The following SOX6 variants were observed in gnomAD, a reference collection of about 807,000 sequenced individuals.
SOX6 encodes SRY-box transcription factor 6.
In SOX6, 11 loss-of-function variants were observed where a neutral mutation model predicts 97.8. The ratio of observed to expected loss-of-function variants is 0.11; its 90% CI spans 0.07 to 0.19. The LOEUF is 0.19. Among genes scored for constraint, SOX6 ranks in the 10% least tolerant of loss-of-function variants. The pLI, the probability that SOX6 is intolerant of heterozygous loss-of-function variation, is 1.00. For missense variants in SOX6, 810 were observed against 1,039.5 expected (o/e 0.78, Z 3.04); for synonymous variants, 360 against 371.4 (o/e 0.97, Z 0.35).
intron 1 of SOX6, among the ~76,000 whole-genome samples, chr11:16,449,649 G>A (rs1040139627): frequency 6.6e-6 from 1 of 152,076 alleles, no homozygotes; most frequent in African/African-American, 2.4e-5. Flanking sequence ...CCATGTATAA[G>A]CAGACATACA....
At chr11:16,141,783 C>A (rs1010502102) in intron 6 of SOX6, among the ~76,000 whole-genome samples, 1 of 152,122 alleles carries the variant, frequency 6.6e-6, no homozygotes, top group Non-Finnish European at 1.5e-5. Context: ...GATCAAACTG[C>A]AAGATGGCAG....
At chr11:16,353,323 G>A (rs1856995638) in intron 1 of SOX6, among the ~76,000 whole-genome samples, 1 of 151,978 alleles carries the variant, frequency 6.6e-6, no homozygotes, top group Non-Finnish European at 1.5e-5. Flanking sequence ...GGAATGCAGA[G>A]TAATTTAGAT....
At chr11:16,113,215 A>G (rs1275244640) in intron 6 of SOX6, among the ~76,000 whole-genome samples, 1 of 152,190 alleles carries the variant, frequency 6.6e-6, no homozygotes, top group African/African-American at 2.4e-5. Context: ...TTCTCTAGGG[A>G]AAGCCCTAAG....
At chr11:16,322,347 T>C (rs1855954328) in intron 2 of SOX6, among the ~76,000 whole-genome samples, 1 of 152,126 alleles carries the variant, frequency 6.6e-6, no homozygotes, top group African/African-American at 2.4e-5. Flanking sequence ...ACTCTCTCTC[T>C]TCCTCCTGCT....
At chr11:16,363,354 A>T (rs1337873736) in intron 1 of SOX6, among the ~76,000 whole-genome samples, 6 of 152,182 alleles carry the variant, frequency 3.9e-5, no homozygotes, top group Non-Finnish European at 8.8e-5. Flanking sequence ...GCTCTGACAC[A>T]ATGGTCAAAA....
chr11:16,591,708 T>C (rs1848155831), intron 4 of SOX6, among the ~76,000 whole-genome samples: 1 of 152,148 alleles, frequency 6.6e-6, no homozygotes, highest in Non-Finnish European at 1.5e-5. Flanking sequence ...ATTAAAATGC[T>C]ATACCTTTGA....
intron 1 of SOX6, among the ~76,000 whole-genome samples, chr11:16,405,519 C>T (rs562898541): frequency 6.6e-6 from 1 of 152,092 alleles, no homozygotes; most frequent in African/African-American, 2.4e-5. Flanking sequence ...TACTTCTGTC[C>T]AGAACACTCT....
At chr11:16,291,353 T>A (rs1854909881) in intron 3 of SOX6, among the ~76,000 whole-genome samples, 1 of 123,798 alleles carries the variant, frequency 8.1e-6, no homozygotes, top group Admixed American at 8.0e-5. Context: ...TCCTGCTCAA[T>A]ATAATGAATG....
At chr11:16,525,990 G>T (rs1319440325) in intron 4 of SOX6, among the ~76,000 whole-genome samples, 1 of 152,198 alleles carries the variant, frequency 6.6e-6, no homozygotes, top group Admixed American at 6.5e-5. Flanking sequence ...AACTACAGGT[G>T]CTGGAGAGGA....
intron 3 of SOX6, chr11:16,313,417 G>A (rs928434278): frequency 6.6e-6 from 1 of 152,114 alleles, no homozygotes. Context: ...AGCTAATCAT[G>A]AAATATGGCC....
intron 3 of SOX6, among the ~76,000 whole-genome samples, chr11:16,670,145 T>A (rs1346581536): frequency 6.6e-6 from 1 of 152,070 alleles, no homozygotes; most frequent in Admixed American, 6.5e-5. Context: ...GCCTGGAGTT[T>A]CCCTGGGGAG....
intron 1 of SOX6, among the ~76,000 whole-genome samples, chr11:16,429,300 T>C (rs1368586955): frequency 1.3e-5 from 2 of 152,118 alleles, no homozygotes; most frequent in Non-Finnish European, 2.9e-5. Context: ...AGAAATACCA[T>C]TCGACCCAGC....
In SOX6 at chr11:16,073,854, T is replaced by C. The variant is rs573503188; in HGVS notation, c.1102-17953A>G. Among the ~76,000 whole-genome samples, 16 of 152,128 alleles carry C rather than the reference T, an allele frequency of 1.1e-4. 1 individual carries two copies. In the East Asian group the frequency reaches 3.1e-3, roughly 29 times the overall value. ...TCCTGGATGACTTTTGAGTAAACAA[T>C]GAAATTAAGGCAGAAATCAAGAAAT... On this transcript the variant is annotated intron_variant, in intron 9 of 15. Coordinates refer to ENST00000683767, the MANE Select transcript of SOX6 (RefSeq NM_001367873.1).
At chr11:15,975,031 C>T (rs941113452) in intron 15 of SOX6, among the ~76,000 whole-genome samples, 1 of 152,194 alleles carries the variant, frequency 6.6e-6, no homozygotes, top group African/African-American at 2.4e-5. Context: ...TACAGATACA[C>T]TAAGCTCACT....
chr11:16,193,398 G>A (rs887492215), intron 4 of SOX6, among the ~76,000 whole-genome samples: 1 of 151,664 alleles, frequency 6.6e-6, no homozygotes, highest in Non-Finnish European at 1.5e-5. Flanking sequence ...ATAAATGAAG[G>A]GCAATGGTGT....
intron 1 of SOX6, among the ~76,000 whole-genome samples, chr11:16,406,624 C>T (rs771341216): frequency 2.6e-5 from 4 of 152,126 alleles, no homozygotes; most frequent in Admixed American, 1.3e-4. Context: ...CATTGGCCAA[C>T]GTAAGCTAAA....
chr11:16,063,704 T>C (rs937646912), intron 9 of SOX6, among the ~76,000 whole-genome samples: 1 of 149,614 alleles, frequency 6.7e-6, no homozygotes, highest in African/African-American at 2.4e-5. Context: ...AATTCATTAA[T>C]GCATTAATTC....
intron 1 of SOX6, among the ~76,000 whole-genome samples, chr11:16,421,759 C>A (rs1000519793): frequency 1.3e-5 from 2 of 152,148 alleles, no homozygotes; most frequent in Non-Finnish European, 2.9e-5. Context: ...GGTCACATTT[C>A]AAGTAAAAAC....
intron 4 of SOX6, chr11:16,484,624 C>G: frequency 3.0e-6 from 2 of 668,026 alleles, no homozygotes; most frequent in Non-Finnish European, 5.5e-6. Flanking sequence ...TGCCCAGCCC[C>G]AGGATGGACA....
Sources: allele counts gnomAD v4.1 joint callset (sites outside exome capture counted in the v4.1 genomes callset), GRCh38; gene constraint gnomAD v4.1.1; transcripts MANE v1.5; gene names NCBI Gene and HGNC (gene_info 2026-07-23, HGNC 2026-07-21).